Variants in HK1 observed in about 807,000 individuals in gnomAD.
The protein encoded by HK1 is hexokinase-1.
HK1 carries 28 observed loss-of-function variants against 91.6 expected under a neutral mutation model. That is an observed-to-expected ratio of 0.31 (90% confidence interval 0.23 to 0.42). The LOEUF (loss-of-function observed/expected upper bound fraction) is 0.42. HK1 is among the 10% of genes least tolerant of loss of function. The pLI, the probability that HK1 is intolerant of heterozygous loss-of-function variation, is 1.00. For missense variants in HK1, 770 were observed against 1,219.8 expected (o/e 0.63, Z 5.49); for synonymous variants, 430 against 468.1 (o/e 0.92, Z 1.05).
intron 1 of HK1, among the ~76,000 whole-genome samples, chr10:69,331,286 A>AT (rs1847703333): frequency 2.0e-5 from 3 of 152,332 alleles, no homozygotes; most frequent in South Asian, 4.1e-4. Context: ...GTCTTTTGTT[A>AT]TAGGGGCCTC....
intron 2 of HK1, among the ~76,000 whole-genome samples, chr10:69,283,389 G>A (rs1163605183): frequency 6.7e-6 from 1 of 148,968 alleles, no homozygotes; most frequent in African/African-American, 2.5e-5. Flanking sequence ...AGGAGGTCAA[G>A]GCTGTAGTGA....
intron 2 of HK1, among the ~76,000 whole-genome samples, chr10:69,346,469 C>T (rs1290131314): frequency 1.3e-5 from 2 of 152,096 alleles, no homozygotes; most frequent in Non-Finnish European, 2.9e-5. Context: ...ATTCTGATAC[C>T]TATCAGCCCA....
At position 69,279,553 on chromosome 10, in the gene HK1, A is replaced by C. The variant is rs564152491; in HGVS notation, c.-390-2976A>C. 8.7e-4 allele frequency among the ~76,000 whole-genome samples: 132 copies of C among 152,232 alleles called. 1 individual carries two copies. Among genetic ancestry groups the C allele is most frequent in the Middle Eastern group, 3.4e-3 (1 of 294 alleles). On this transcript the variant is annotated intron_variant, in intron 1 of 21. Transcript: ENST00000360289. ...TGTATGAATGAACATATGTAGATCGAATGTTTGATGGGGAACCTCAGAATG... is the reference window on the plus strand; with the variant it reads ...TGTATGAATGAACATATGTAGATCGCATGTTTGATGGGGAACCTCAGAATG...
chr10:69,297,096 CA>C (rs1845602949), intron 4 of HK1, among the ~76,000 whole-genome samples: 1 of 152,174 alleles, frequency 6.6e-6, no homozygotes, highest in Non-Finnish European at 1.5e-5. Context: ...CCCCCAAAAC[CA>C]AACTGCTAAA....
At chr10:69,292,211 G>A (rs1345519288) in intron 3 of HK1, 2 of 307,472 alleles carry the variant, frequency 6.5e-6, no homozygotes, top group African/African-American at 4.5e-5. Flanking sequence ...GCTGGGACTA[G>A]AGGCGTGTGC....
chr10:69,399,763 C>T (rs1840306225), intron 17 of HK1, among the ~76,000 whole-genome samples: 1 of 152,084 alleles, frequency 6.6e-6, no homozygotes, highest in Admixed American at 6.6e-5. Flanking sequence ...TATTTATTGT[C>T]TACACTAGGG....
chr10:69,375,914 G>T (rs1839077016), intron 7 of HK1, among the ~76,000 whole-genome samples: 1 of 152,186 alleles, frequency 6.6e-6, no homozygotes. Context: ...GGCTCATTCT[G>T]TCATTGGTCG....
At chr10:69,273,240 G>C (rs1326443395) in intron 1 of HK1, among the ~76,000 whole-genome samples, 1 of 151,788 alleles carries the variant, frequency 6.6e-6, no homozygotes, top group African/African-American at 2.4e-5. Flanking sequence ...ATTTGAGATG[G>C]AGTCTCACTC....
chr10:69,318,712 G>A, upstream of HK1: 1 of 718,026 alleles, frequency 1.4e-6, no homozygotes, highest in East Asian at 3.6e-5. Context: ...GCAGAGGCGC[G>A]CCGCAACCAA....
chr10:69,377,213 C>T, intron 8 of HK1, 124 bp downstream of exon 8: 2 of 1,134,162 alleles, frequency 1.8e-6, no homozygotes. Flanking sequence ...CTTTCTGGGT[C>T]CGTGTCCTCT....
intron 1 of HK1, among the ~76,000 whole-genome samples, chr10:69,335,815 C>T (rs1053760004): frequency 1.3e-5 from 2 of 152,310 alleles, no homozygotes; most frequent in African/African-American, 4.8e-5. Flanking sequence ...AAGTCAAATG[C>T]AGGTGTCTAC....
chr10:69,361,299 C>A (rs944451871), intron 3 of HK1, among the ~76,000 whole-genome samples: 2 of 152,244 alleles, frequency 1.3e-5, no homozygotes, highest in South Asian at 4.1e-4. Context: ...CTGCTACTCC[C>A]ATTACTGGGG....
At chr10:69,288,788 T>C (rs952928357) in intron 3 of HK1, 3 of 1,609,974 alleles carry the variant, frequency 1.9e-6, no homozygotes, top group Admixed American at 1.7e-5. Flanking sequence ...CTGGTGTTTC[T>C]TTCTTTCTTT....
intron 1 of HK1, among the ~76,000 whole-genome samples, chr10:69,331,943 G>T (rs1847748724): frequency 6.6e-6 from 1 of 152,082 alleles, no homozygotes; most frequent in African/African-American, 2.4e-5. Context: ...GATATACTGG[G>T]TTAAATAAAA....
At chr10:69,321,823 A>G (rs1395622434) in intron 1 of HK1, among the ~76,000 whole-genome samples, 2 of 152,092 alleles carry the variant, frequency 1.3e-5, no homozygotes, top group African/African-American at 4.8e-5. Flanking sequence ...GCATCTGCAT[A>G]AATTGGTTAA....
chr10:69,291,353 C>T (rs1444165061), intron 3 of HK1, among the ~76,000 whole-genome samples: 4 of 152,196 alleles, frequency 2.6e-5, no homozygotes, highest in Non-Finnish European at 5.9e-5. Flanking sequence ...AGCAGCTGGA[C>T]GTTGATTTGG....
At chr10:69,346,092 G>A (rs1476270136) in intron 2 of HK1, among the ~76,000 whole-genome samples, 2 of 152,006 alleles carry the variant, frequency 1.3e-5, no homozygotes, top group African/African-American at 2.4e-5. Context: ...GTGTTGTGCC[G>A]GGCTTCTGTC....
At chr10:69,393,022 C>T (rs1052778644) in intron 15 of HK1, among the ~76,000 whole-genome samples, 4 of 152,202 alleles carry the variant, frequency 2.6e-5, no homozygotes, top group African/African-American at 7.2e-5. Flanking sequence ...GCTCTTGTTG[C>T]CCAGGCTGGA....
At chr10:69,331,872 T>C (rs56350185) in intron 1 of HK1, among the ~76,000 whole-genome samples, 33,904 of 151,762 alleles carry the variant, frequency 0.22, 5,023 homozygotes, top group African/African-American at 0.41. Context: ...AGCCAAGACC[T>C]TGTCTCAAAA....
Sources: gnomAD v4.1 joint callset for allele counts (sites outside exome capture counted in the v4.1 genomes callset) on GRCh38, gnomAD v4.1.1 for gene constraint, MANE v1.5 for transcripts, NCBI Gene and HGNC (gene_info 2026-07-23, HGNC 2026-07-21) for gene names.